SYT1: variants seen among roughly 807,000 people sequenced by gnomAD.
SYT1 encodes synaptotagmin-1.
In SYT1, 8 loss-of-function variants were observed where a neutral mutation model predicts 44.8. That is an observed-to-expected ratio of 0.18 (90% confidence interval 0.10 to 0.32). The LOEUF is 0.32. Among genes scored for constraint, SYT1 ranks in the 10% least tolerant of loss-of-function variants. The probability of loss-of-function intolerance (pLI) is 1.00; values close to 1 mark genes in which losing one functional copy is unlikely to be tolerated. For synonymous variants in SYT1, 154 were observed against 188.8 expected (o/e 0.82, Z 1.51); for missense variants, 286 against 509.3 (o/e 0.56, Z 4.22).
intron 3 of SYT1, among the ~76,000 whole-genome samples, chr12:79,114,946 G>A (rs1259797234): frequency 6.6e-6 from 1 of 152,146 alleles, no homozygotes; most frequent in South Asian, 2.1e-4. Context: ...GAATATGTTA[G>A]TATATGCAAT....
At chr12:78,898,854 C>A (rs574279894) in intron 1 of SYT1, among the ~76,000 whole-genome samples, 1 of 152,186 alleles carries the variant, frequency 6.6e-6, no homozygotes, top group South Asian at 2.1e-4. Context: ...AACATGCGTG[C>A]ATTTGAAATG....
chr12:79,029,691 G>T (rs569376322), intron 2 of SYT1, among the ~76,000 whole-genome samples: 1 of 151,236 alleles, frequency 6.6e-6, no homozygotes, highest in African/African-American at 2.4e-5. Flanking sequence ...CATGGTATAA[G>T]TTAAGTAATT....
intron 2 of SYT1, among the ~76,000 whole-genome samples, chr12:79,004,269 G>A (rs1355268427): frequency 6.6e-6 from 1 of 151,782 alleles, no homozygotes; most frequent in Non-Finnish European, 1.5e-5. Context: ...AAATATGAAA[G>A]TGATGACAAT....
rs1240731052 is a variant in SYT1 at position 79,120,935 on chromosome 12, A to ATATC, written c.-18+73577_-18+73580dup. Among the ~76,000 whole-genome samples the ATATC allele has an allele frequency of 2.0e-5, 3 of 146,850 alleles. No homozygotes were observed. The East Asian group carries it at 6.0e-4, about 30-fold the overall frequency. The stretch of plus-strand genomic sequence containing the variant: ...TATACACATATTTGTGTATGTATAT[A>ATATC]TATCTATATATATATATAGATATAT... On this transcript the variant is annotated intron_variant, in intron 3 of 10. Coordinates refer to ENST00000261205, the MANE Select transcript of SYT1 (RefSeq NM_005639.3).
At chr12:78,889,466 G>C (rs757052016) in intron 1 of SYT1, among the ~76,000 whole-genome samples, 25 of 151,874 alleles carry the variant, frequency 1.6e-4, no homozygotes, top group Non-Finnish European at 2.5e-4. Context: ...TCTACAATAG[G>C]TAAAAAGAGA....
intron 8 of SYT1, among the ~76,000 whole-genome samples, chr12:79,309,037 G>A (rs1441557262): frequency 6.6e-6 from 1 of 152,206 alleles, no homozygotes; most frequent in Admixed American, 6.5e-5. Context: ...AAAAAGGCCG[G>A]TGAAACAAGT....
intron 8 of SYT1, among the ~76,000 whole-genome samples, chr12:79,321,912 A>T (rs933355650): frequency 1.3e-5 from 2 of 152,170 alleles, no homozygotes; most frequent in African/African-American, 4.8e-5. Flanking sequence ...GTCTCCTCCA[A>T]GTGGAGCACA....
intron 1 of SYT1, among the ~76,000 whole-genome samples, chr12:78,959,671 T>C (rs1239892965): frequency 6.6e-6 from 1 of 152,160 alleles, no homozygotes; most frequent in East Asian, 1.9e-4. Context: ...AAACAACAGC[T>C]GTCAGGGCTT....
chr12:79,350,709 C>A (rs1237869388), intron 8 of SYT1, among the ~76,000 whole-genome samples: 7 of 152,140 alleles, frequency 4.6e-5, no homozygotes, highest in Admixed American at 2.0e-4. Context: ...CCCTAATTTT[C>A]AAACTTTTGG....
chr12:79,412,205 G>T (rs1204448520), intron 9 of SYT1, among the ~76,000 whole-genome samples: 1 of 152,064 alleles, frequency 6.6e-6, no homozygotes, highest in African/African-American at 2.4e-5. Context: ...TCTTCCCTTG[G>T]GGTGGGCTGT....
intron 9 of SYT1, among the ~76,000 whole-genome samples, chr12:79,372,299 A>G (rs536930117): frequency 3.9e-5 from 6 of 152,374 alleles, no homozygotes; most frequent in Non-Finnish European, 5.9e-5. Context: ...AACATATAGT[A>G]TGAACTGAAT....
chr12:79,115,138 AG>A (rs1489854606), intron 3 of SYT1, among the ~76,000 whole-genome samples: 1 of 152,168 alleles, frequency 6.6e-6, no homozygotes, highest in Non-Finnish European at 1.5e-5. Flanking sequence ...AAGCTTGTGT[AG>A]AACAACATAC....
chr12:79,157,597 T>G (rs186829546), intron 3 of SYT1, among the ~76,000 whole-genome samples: 3 of 152,292 alleles, frequency 2.0e-5, no homozygotes, highest in Non-Finnish European at 4.4e-5. Flanking sequence ...ACTGTTCATC[T>G]AATAAATACT....
At chr12:78,874,485 G>C (rs1324195965) in intron 1 of SYT1, among the ~76,000 whole-genome samples, 1 of 151,530 alleles carries the variant, frequency 6.6e-6, no homozygotes, top group African/African-American at 2.4e-5. Flanking sequence ...CTGGAATGGT[G>C]AACTTCAATA....
At chr12:79,173,258 AAGTTCCCTGT>A (rs961897084) in intron 3 of SYT1, among the ~76,000 whole-genome samples, 39 of 152,112 alleles carry the variant, frequency 2.6e-4, no homozygotes, top group African/African-American at 9.1e-4. Flanking sequence ...GCTCCCCTGC[AAGTTCCCTGT>A]AAGCTCACTA....
intron 3 of SYT1, among the ~76,000 whole-genome samples, chr12:79,126,771 A>G (rs1334724582): frequency 3.9e-5 from 6 of 152,304 alleles, no homozygotes; most frequent in South Asian, 4.1e-4. Context: ...AAGGGGTACT[A>G]GAGAGTAGGG....
intron 3 of SYT1, among the ~76,000 whole-genome samples, chr12:79,050,973 T>C (rs1174615194): frequency 1.3e-5 from 2 of 152,030 alleles, no homozygotes; most frequent in African/African-American, 4.8e-5. Context: ...TTACCTCCTC[T>C]AATATTATCA....
At chr12:78,925,164 C>A (rs1877234929) in intron 1 of SYT1, among the ~76,000 whole-genome samples, 1 of 151,902 alleles carries the variant, frequency 6.6e-6, no homozygotes, top group Non-Finnish European at 1.5e-5. Context: ...AAAATCAACA[C>A]CTTGGAGTTC....
intron 3 of SYT1, among the ~76,000 whole-genome samples, chr12:79,070,843 A>C (rs1876223363): frequency 6.6e-6 from 1 of 152,130 alleles, no homozygotes; most frequent in South Asian, 2.1e-4. Context: ...TTTTGTAACA[A>C]ACCTGCATGG....
Sources: gnomAD v4.1 joint callset for allele counts (sites outside exome capture counted in the v4.1 genomes callset) on GRCh38, gnomAD v4.1.1 for gene constraint, MANE v1.5 for transcripts, NCBI Gene and HGNC (gene_info 2026-07-23, HGNC 2026-07-21) for gene names.